WDFY2: variants seen among roughly 807,000 people sequenced by gnomAD.
WDFY2 encodes WD repeat and FYVE domain-containing protein 2.
Under a neutral mutation model 56.4 loss-of-function variants are expected in WDFY2, and 36 were observed. The observed-to-expected ratio is 0.64, with a 90% confidence interval of 0.49 to 0.84. WDFY2 has a LOEUF of 0.84. Ranked by LOEUF, WDFY2 falls within the 40% of genes least tolerant of loss-of-function variation. The pLI, the probability that WDFY2 is intolerant of heterozygous loss-of-function variation, is 0.00. For synonymous variants in WDFY2, 176 were observed against 183.7 expected (o/e 0.96, Z 0.34); for missense variants, 444 against 512.2 (o/e 0.87, Z 1.29).
At chr13:51,617,170 C>G (rs1425580608) in intron 1 of WDFY2, among the ~76,000 whole-genome samples, 1 of 152,160 alleles carries the variant, frequency 6.6e-6, no homozygotes, top group Non-Finnish European at 1.5e-5. Context: ...TAACAGAACT[C>G]TAACTTAATC....
chr13:51,734,239 T>A (rs761736739), intron 6 of WDFY2, among the ~76,000 whole-genome samples: 2 of 152,222 alleles, frequency 1.3e-5, no homozygotes, highest in Non-Finnish European at 1.5e-5. Context: ...CAAAAAAAAA[T>A]TAGTTCCCTA....
chr13:51,634,231 A>G (rs1055332048), intron 1 of WDFY2, among the ~76,000 whole-genome samples: 1 of 151,492 alleles, frequency 6.6e-6, no homozygotes, highest in African/African-American at 2.4e-5. Context: ...ACAACCAAGA[A>G]CTGATAGTGT....
chr13:51,721,584 A>C (rs564147235), intron 5 of WDFY2, among the ~76,000 whole-genome samples: 22 of 151,998 alleles, frequency 1.4e-4, no homozygotes, highest in African/African-American at 5.3e-4. Context: ...TACCAAGCAG[A>C]AAGTCGTATG....
intron 4 of WDFY2, among the ~76,000 whole-genome samples, chr13:51,711,860 A>G (rs568268924): frequency 7.9e-5 from 12 of 152,336 alleles, no homozygotes; most frequent in African/African-American, 2.9e-4. Context: ...AACTAGTTCA[A>G]CCATTGTGGA....
rs1953667444 is a variant in WDFY2 at position 51,763,932 on chromosome 13, C to A, written c.*4163C>A. ...CATAAATATTCACTAAATGAGATTC[C>A]TTTGGTTATGGCTGTTCATAGAATT... On this transcript the variant is annotated 3_prime_UTR_variant, in exon 12 of 12. Coordinates refer to ENST00000298125, the MANE Select transcript of WDFY2 (RefSeq NM_052950.4). The A allele has an allele frequency of 6.6e-6, 1 of 152,120 alleles. No homozygotes were observed. Among genetic ancestry groups the A allele is most frequent in the South Asian group, 2.1e-4 (1 of 4,828 alleles). The allele number at this position is 152,120 out of a possible 1,614,324, so 9.4% of individuals were successfully genotyped here.
chr13:51,597,172 A>G (rs1188443125), intron 1 of WDFY2, among the ~76,000 whole-genome samples: 3 of 152,192 alleles, frequency 2.0e-5, no homozygotes, highest in African/African-American at 7.2e-5. Context: ...TCATTGTCAG[A>G]ATTGAACCCA....
At chr13:51,640,620 G>A (rs1256889286) in intron 1 of WDFY2, among the ~76,000 whole-genome samples, 4 of 152,206 alleles carry the variant, frequency 2.6e-5, no homozygotes, top group East Asian at 1.9e-4. Flanking sequence ...AGGCTGAGGC[G>A]GGTAGATTAC....
At chr13:51,623,764 T>G (rs1417155627) in intron 1 of WDFY2, among the ~76,000 whole-genome samples, 1 of 152,162 alleles carries the variant, frequency 6.6e-6, no homozygotes, top group East Asian at 1.9e-4. Context: ...CATAAGAAAT[T>G]TTGGTTATTC....
intron 1 of WDFY2, among the ~76,000 whole-genome samples, chr13:51,605,741 C>T (rs180856972): frequency 5.9e-5 from 9 of 152,168 alleles, no homozygotes; most frequent in African/African-American, 1.7e-4. Context: ...ATCCACACTG[C>T]GTGATGAAGG....
intron 11 of WDFY2, 102 bp from the exon 12 acceptor site, chr13:51,759,638 G>A: frequency 1.9e-6 from 2 of 1,039,468 alleles, no homozygotes; most frequent in Non-Finnish European, 2.9e-6. Flanking sequence ...AGTATGTGGT[G>A]GTTTGTTAAA....
chr13:51,606,618 C>T (rs1954389181), intron 1 of WDFY2, among the ~76,000 whole-genome samples: 1 of 152,078 alleles, frequency 6.6e-6, no homozygotes, highest in Non-Finnish European at 1.5e-5. Context: ...ACAGCAATGT[C>T]ACAACATGCC....
At chr13:51,679,449 T>G (rs1955941670) in intron 3 of WDFY2, among the ~76,000 whole-genome samples, 1 of 152,204 alleles carries the variant, frequency 6.6e-6, no homozygotes, top group Admixed American at 6.5e-5. Flanking sequence ...ATCTCTATTC[T>G]CTGAAGATTA....
intron 3 of WDFY2, among the ~76,000 whole-genome samples, chr13:51,693,128 A>G (rs1346531544): frequency 3.3e-5 from 5 of 151,690 alleles, no homozygotes; most frequent in African/African-American, 1.2e-4. Context: ...AATTTTGTTG[A>G]TCCTTTCAAA....
intron 5 of WDFY2, among the ~76,000 whole-genome samples, chr13:51,721,214 C>T (rs1402264892): frequency 6.6e-6 from 1 of 152,130 alleles, no homozygotes; most frequent in African/African-American, 2.4e-5. Context: ...TGAGGCCACC[C>T]AGCTAGTAAG....
At chr13:51,601,228 T>A (rs937324744) in intron 1 of WDFY2, among the ~76,000 whole-genome samples, 2 of 152,140 alleles carry the variant, frequency 1.3e-5, no homozygotes, top group South Asian at 2.1e-4. Flanking sequence ...GAAACTAGAC[T>A]GCCAAGCATA....
intron 3 of WDFY2, among the ~76,000 whole-genome samples, chr13:51,692,645 C>G (rs1951767793): frequency 1.3e-5 from 2 of 152,138 alleles, no homozygotes; most frequent in Non-Finnish European, 1.5e-5. Context: ...GGATATTGGT[C>G]TAAAATTCTC....
intron 1 of WDFY2, among the ~76,000 whole-genome samples, chr13:51,634,719 TG>T (rs1263661537): frequency 7.9e-5 from 12 of 151,856 alleles, no homozygotes; most frequent in Admixed American, 3.9e-4. Flanking sequence ...TTTTTTGTTT[TG>T]TTTTTTTTTT....
chr13:51,614,274 C>G (rs2138341736), intron 1 of WDFY2, among the ~76,000 whole-genome samples: 1 of 151,434 alleles, frequency 6.6e-6, no homozygotes, highest in African/African-American at 2.4e-5. Flanking sequence ...GGGATTATCT[C>G]AAGCTATGAA....
At chr13:51,712,531 A>G (rs1434404082) in intron 4 of WDFY2, among the ~76,000 whole-genome samples, 2 of 152,204 alleles carry the variant, frequency 1.3e-5, no homozygotes, top group Non-Finnish European at 1.5e-5. Context: ...CTAAACATCT[A>G]TATTAGAAAA....
Sources: allele counts gnomAD v4.1 joint callset (sites outside exome capture counted in the v4.1 genomes callset), GRCh38; gene constraint gnomAD v4.1.1; transcripts MANE v1.5; gene names NCBI Gene and HGNC (gene_info 2026-07-23, HGNC 2026-07-21).